ANXA8: variants seen among roughly 807,000 people sequenced by gnomAD.
ANXA8 encodes the protein annexin A8.
ANXA8 carries 9 observed loss-of-function variants against 26.8 expected under a neutral mutation model. The ratio of observed to expected loss-of-function variants is 0.34; its 90% CI spans 0.20 to 0.59. ANXA8 has a LOEUF of 0.59. ANXA8 is among the 20% of genes least tolerant of loss of function. The probability of loss-of-function intolerance (pLI) is 0.84; values close to 1 mark genes in which losing one functional copy is unlikely to be tolerated. For missense variants in ANXA8, 83 were observed against 238.5 expected (o/e 0.35, Z 4.29); for synonymous variants, 39 against 94.8 (o/e 0.41, Z 3.42).
chr10:47,648,680 AAC>A, the ANXA8 span, among the ~76,000 whole-genome samples: 1 of 98,076 alleles, frequency 1.0e-5, no homozygotes, highest in Non-Finnish European at 1.8e-5. Context: ...TATTGAGGAA[AAC>A]AGTGTTCATT....
At chr10:47,694,401 C>T in the ANXA8 span, among the ~76,000 whole-genome samples, 1 of 149,488 alleles carries the variant, frequency 6.7e-6, no homozygotes, top group African/African-American at 2.5e-5. Flanking sequence ...ATATATACCC[C>T]CAAACAGAAA....
the ANXA8 span, among the ~76,000 whole-genome samples, chr10:47,736,306 T>A: frequency 1.0e-4 from 5 of 49,354 alleles, no homozygotes. Context: ...GATACCCTGA[T>A]AGAAGACAGA....
chr10:47,744,419 G>GGTTGGGGGGGAGGGGGGAAGGGGGGA, the ANXA8 span, among the ~76,000 whole-genome samples: 1 of 67,024 alleles, frequency 1.5e-5, no homozygotes, highest in Admixed American at 1.5e-4. Context: ...GGTGGGGGGG[G>GGTTGGGGGGGAGGGGGGAAGGGGGGA]GGTTGGGGGG....
chr10:47,523,964 G>A, the ANXA8 span, among the ~76,000 whole-genome samples: 48 of 145,930 alleles, frequency 3.3e-4, no homozygotes, highest in Middle Eastern at 0.011. Flanking sequence ...TGCCCTCCCC[G>A]ACACCTCACA....
At chr10:47,683,251 T>C in the ANXA8 span, among the ~76,000 whole-genome samples, 1 of 135,538 alleles carries the variant, frequency 7.4e-6, no homozygotes, top group South Asian at 2.3e-4. Context: ...TTTTTTGAGA[T>C]GGAGTCTCGC....
At chr10:47,701,642 T>A in the ANXA8 span, among the ~76,000 whole-genome samples, 17 of 151,740 alleles carry the variant, frequency 1.1e-4, no homozygotes, top group African/African-American at 2.4e-4. Flanking sequence ...GTAAGAAGGA[T>A]TGGAGGAATA....
At chr10:47,955,005 T>A in the ANXA8 span, among the ~76,000 whole-genome samples, 1 of 148,492 alleles carries the variant, frequency 6.7e-6, no homozygotes, top group Non-Finnish European at 1.5e-5. Flanking sequence ...TTTGGCTGTG[T>A]CCCCACCCAA....
chr10:47,694,300 G>A, the ANXA8 span, among the ~76,000 whole-genome samples: 1 of 149,348 alleles, frequency 6.7e-6, no homozygotes, highest in African/African-American at 2.5e-5. Flanking sequence ...AGATGGAAAT[G>A]TTGGGAAAAA....
chr10:47,743,353 T>TACATATATATATAC, the ANXA8 span, among the ~76,000 whole-genome samples: 16 of 39,086 alleles, frequency 4.1e-4, no homozygotes, highest in African/African-American at 8.5e-4. Context: ...TATATATATA[T>TACATATATATATAC]ACACATATAT....
chr10:47,502,577 A>G, the ANXA8 span: 3 of 1,609,878 alleles, frequency 1.9e-6, no homozygotes, highest in African/African-American at 4.1e-5. Context: ...AGCTCCAGAG[A>G]TCGCACACGG....
the ANXA8 span, chr10:47,523,750 A>G: frequency 2.9e-6 from 4 of 1,375,496 alleles, no homozygotes; most frequent in Non-Finnish European, 3.8e-6. Flanking sequence ...GCCTCCCCTG[A>G]GTTGACTTGT....
chr10:47,778,782 G>A, the ANXA8 span, among the ~76,000 whole-genome samples: 3 of 151,706 alleles, frequency 2.0e-5, 1 homozygote, highest in Non-Finnish European at 4.4e-5. Context: ...GGCAAGCACT[G>A]TACAGCATAA....
At chr10:47,673,580 G>A in the ANXA8 span, among the ~76,000 whole-genome samples, 14 of 151,100 alleles carry the variant, frequency 9.3e-5, no homozygotes, top group African/African-American at 3.2e-4. Flanking sequence ...CAAGGTGTGC[G>A]ACTGGAGAGC....
chr10:47,489,833 C>T, the ANXA8 span, among the ~76,000 whole-genome samples: 1 of 135,738 alleles, frequency 7.4e-6, no homozygotes, highest in Non-Finnish European at 1.6e-5. Flanking sequence ...CAGACCTATA[C>T]ATCCCTGGGC....
chr10:47,519,177 T>A, the ANXA8 span, among the ~76,000 whole-genome samples: 1 of 136,336 alleles, frequency 7.3e-6, no homozygotes, highest in Non-Finnish European at 1.5e-5. Flanking sequence ...TTTAAAAGGC[T>A]GTGGTACTGG....
chr10:47,678,762 C>T, the ANXA8 span, among the ~76,000 whole-genome samples: 1 of 151,318 alleles, frequency 6.6e-6, no homozygotes, highest in Non-Finnish European at 1.5e-5. Flanking sequence ...GTCTGGGTGG[C>T]CAGGTGGGTG....
At chr10:47,507,776 G>C in the ANXA8 span, among the ~76,000 whole-genome samples, 2 of 108,740 alleles carry the variant, frequency 1.8e-5, no homozygotes, top group Admixed American at 2.0e-4. Flanking sequence ...CAAAATGCAA[G>C]GAAATATGCC....
chr10:47,733,219 T>TTC, the ANXA8 span, among the ~76,000 whole-genome samples: 168 of 67,918 alleles, frequency 2.5e-3, no homozygotes, highest in African/African-American at 8.6e-3. Flanking sequence ...CTTTCTTTCT[T>TTC]TCTCTTTCTT....
At chr10:47,672,407 A>G in the ANXA8 span, among the ~76,000 whole-genome samples, 468 of 151,960 alleles carry the variant, frequency 3.1e-3, 3 homozygotes, top group South Asian at 0.022. Flanking sequence ...GGTAAGCTTC[A>G]AAACTTCTTA....
Sources: gnomAD v4.1 joint callset for allele counts (sites outside exome capture counted in the v4.1 genomes callset) on GRCh38, gnomAD v4.1.1 for gene constraint, MANE v1.5 for transcripts, NCBI Gene and HGNC (gene_info 2026-07-23, HGNC 2026-07-21) for gene names.